PHF24: variants seen among roughly 807,000 people sequenced by gnomAD.
PHF24 encodes Galpha inhibitory interacting protein.
A neutral mutation model predicts 42.6 loss-of-function variants in PHF24; 25 were observed. The observed-to-expected ratio is 0.59, with a 90% CI of 0.43 to 0.82. PHF24 has a LOEUF of 0.82. Among genes scored for constraint, PHF24 ranks in the 40% least tolerant of loss-of-function variants. PHF24 has a pLI of 0.00. For missense variants in PHF24, 470 were observed against 538.1 expected (o/e 0.87, Z 1.25); for synonymous variants, 185 against 204.8 (o/e 0.90, Z 0.83).
chr9:34,829,462 G>C, the PHF24 span, among the ~76,000 whole-genome samples: 3 of 152,142 alleles, frequency 2.0e-5, no homozygotes, highest in East Asian at 5.8e-4. Context: ...GTTTGGCATA[G>C]TACTTGGCAC....
the PHF24 span, among the ~76,000 whole-genome samples, chr9:34,831,181 T>C: frequency 6.6e-6 from 1 of 152,126 alleles, no homozygotes; most frequent in African/African-American, 2.4e-5. Context: ...TGTAGAAGGG[T>C]GACAGGAACC....
the PHF24 span, among the ~76,000 whole-genome samples, chr9:34,722,838 A>C: frequency 6.6e-6 from 1 of 152,158 alleles, no homozygotes; most frequent in East Asian, 1.9e-4. Context: ...ACAGTGGAAA[A>C]TATTCTGGTG....
At chr9:34,829,925 A>G in the PHF24 span, among the ~76,000 whole-genome samples, 8 of 152,194 alleles carry the variant, frequency 5.3e-5, no homozygotes, top group Non-Finnish European at 1.2e-4. Context: ...GTTTTGAATT[A>G]ATTTGCATTG....
At chr9:34,691,960 T>TCC in the PHF24 span, among the ~76,000 whole-genome samples, 1 of 152,078 alleles carries the variant, frequency 6.6e-6, no homozygotes, top group Non-Finnish European at 1.5e-5. Context: ...CCCTTCATTT[T>TCC]CCCCCTTTTC....
chr9:34,719,711 C>T, the PHF24 span, among the ~76,000 whole-genome samples: 1 of 152,192 alleles, frequency 6.6e-6, no homozygotes, highest in Non-Finnish European at 1.5e-5. Context: ...TGGCTTCCTA[C>T]CTGATGCTGC....
At chr9:34,882,793 G>A in the PHF24 span, among the ~76,000 whole-genome samples, 4 of 152,240 alleles carry the variant, frequency 2.6e-5, no homozygotes, top group African/African-American at 9.6e-5. Flanking sequence ...ACTGCCCAAG[G>A]TAATTTATAG....
chr9:34,791,220 G>C, the PHF24 span, among the ~76,000 whole-genome samples: 2 of 152,202 alleles, frequency 1.3e-5, no homozygotes, highest in Non-Finnish European at 2.9e-5. Flanking sequence ...TAAGGTGTTT[G>C]CAAGATAGTC....
intron 1 of PHF24, among the ~76,000 whole-genome samples, chr9:34,969,886 A>G (rs1826913478): frequency 6.6e-6 from 1 of 151,996 alleles, no homozygotes; most frequent in South Asian, 2.1e-4. Context: ...TTTTCCCCCA[A>G]ACAAACTGAG....
the PHF24 span, chr9:34,723,926 A>G: frequency 6.4e-7 from 1 of 1,551,566 alleles, no homozygotes; most frequent in Non-Finnish European, 8.7e-7. Flanking sequence ...GGGATCAGCA[A>G]GATGAAAGCT....
At chr9:34,719,002 A>G in the PHF24 span, among the ~76,000 whole-genome samples, 1 of 152,178 alleles carries the variant, frequency 6.6e-6, no homozygotes, top group African/African-American at 2.4e-5. Flanking sequence ...ATGTATTCCT[A>G]GCATCTACCC....
At chr9:34,898,782 GC>G in the PHF24 span, among the ~76,000 whole-genome samples, 2 of 152,228 alleles carry the variant, frequency 1.3e-5, 1 homozygote, top group Admixed American at 1.3e-4. Flanking sequence ...CTTGCACCCA[GC>G]AGAATCACCA....
chr9:34,692,785 CTTTTTT>C, the PHF24 span, among the ~76,000 whole-genome samples: 2 of 120,064 alleles, frequency 1.7e-5, no homozygotes, highest in African/African-American at 6.0e-5. Context: ...TTCTTTTGTC[CTTTTTT>C]TTTTTTTTTT....
the PHF24 span, among the ~76,000 whole-genome samples, chr9:34,701,442 G>A: frequency 6.6e-6 from 1 of 152,168 alleles, no homozygotes; most frequent in African/African-American, 2.4e-5. This position sits in a 1 kb window ranked among gnomAD's most constrained non-coding sequence, Gnocchi z 5.8. Flanking sequence ...TCCCTTCCTG[G>A]GCCTGCAGGG....
chr9:34,838,384 T>A, the PHF24 span: 20 of 1,056,266 alleles, frequency 1.9e-5, no homozygotes, highest in Non-Finnish European at 2.9e-5. Flanking sequence ...CAAGTTCAAT[T>A]CATGGTGGCT....
chr9:34,764,534 C>A, the PHF24 span, among the ~76,000 whole-genome samples: 1 of 150,234 alleles, frequency 6.7e-6, no homozygotes, highest in Non-Finnish European at 1.5e-5. Context: ...TCTGTGGGAT[C>A]GGTGGTGATA....
the PHF24 span, among the ~76,000 whole-genome samples, chr9:34,680,133 T>C: frequency 6.6e-6 from 1 of 152,126 alleles, no homozygotes; most frequent in African/African-American, 2.4e-5. Flanking sequence ...CTCAGCACTT[T>C]AGAGGACAAG....
chr9:34,933,306 T>C, the PHF24 span, among the ~76,000 whole-genome samples: 2 of 152,348 alleles, frequency 1.3e-5, no homozygotes, highest in Admixed American at 6.5e-5. Context: ...GATTTTCTTA[T>C]GATATTAATA....
the PHF24 span, among the ~76,000 whole-genome samples, chr9:34,781,326 C>G: frequency 2.6e-5 from 4 of 152,122 alleles, no homozygotes; most frequent in South Asian, 4.1e-4. Context: ...AAATATTACA[C>G]TAAGTGAAAT....
At chr9:34,687,939 A>G in the PHF24 span, among the ~76,000 whole-genome samples, 18,292 of 152,262 alleles carry the variant, frequency 0.12, 1,213 homozygotes, top group Admixed American at 0.18. Flanking sequence ...TGATGAATGC[A>G]GAAACAGCTG....
Sources: gnomAD v4.1 joint callset for allele counts (sites outside exome capture counted in the v4.1 genomes callset) on GRCh38, gnomAD v4.1.1 for gene constraint, Gnocchi (gnomAD v3.1) non-coding constraint, MANE v1.5 for transcripts, NCBI Gene and HGNC (gene_info 2026-07-23, HGNC 2026-07-21) for gene names.